The following CEP112 variants were observed in gnomAD, a reference collection of about 807,000 sequenced individuals.
CEP112 encodes centrosomal protein of 112 kDa.
A neutral mutation model predicts 153.0 loss-of-function variants in CEP112; 127 were observed. The observed-to-expected ratio is 0.83, with a 90% CI of 0.72 to 0.96. The LOEUF is 0.96. Among genes scored for constraint, CEP112 ranks in the 40% least tolerant of loss-of-function variants. The pLI, the probability that CEP112 is intolerant of heterozygous loss-of-function variation, is 0.00. For missense variants in CEP112, 1,089 were observed against 1,101.2 expected (o/e 0.99, Z 0.16); for synonymous variants, 358 against 374.4 (o/e 0.96, Z 0.51).
intron 4 of CEP112, among the ~76,000 whole-genome samples, chr17:66,172,916 T>C (rs761008530): frequency 6.6e-5 from 10 of 152,188 alleles, no homozygotes; most frequent in Non-Finnish European, 1.3e-4. Flanking sequence ...ACATAGTGTC[T>C]GTCTCTCCCC....
At chr17:65,990,681 A>G (rs2063563180) in intron 17 of CEP112, among the ~76,000 whole-genome samples, 2 of 152,248 alleles carry the variant, frequency 1.3e-5, no homozygotes, top group African/African-American at 4.8e-5. Flanking sequence ...CTGGGACCTT[A>G]AGTGAACTTG....
chr17:65,712,475 G>A (rs1043827231), intron 23 of CEP112, among the ~76,000 whole-genome samples: 1 of 151,446 alleles, frequency 6.6e-6, no homozygotes, highest in Admixed American at 6.6e-5. Flanking sequence ...GGCAGAAATA[G>A]TTTCAAGTAC....
intron 12 of CEP112, among the ~76,000 whole-genome samples, chr17:66,044,382 T>C (rs2066112380): frequency 6.6e-6 from 1 of 152,128 alleles, no homozygotes; most frequent in Non-Finnish European, 1.5e-5. Flanking sequence ...TTGTTTTTTG[T>C]CCATGCCTTT....
rs370555501 is a variant in CEP112, at chr17:65,969,031, G to A, written c.1737-7433C>T. Reference sequence around the variant, plus strand: ...AAGATCTGTGCTCAGTATTAGAACTGCAAAAATGATTAAGACATTATATCA... The same window carrying A: ...AAGATCTGTGCTCAGTATTAGAACTACAAAAATGATTAAGACATTATATCA... On this transcript the variant is annotated intron_variant, in intron 17 of 26. Transcript: ENST00000535342. Among the ~76,000 whole-genome samples, 15 of 151,298 alleles carry A rather than the reference G, an allele frequency of 9.9e-5. No homozygotes were observed. In the East Asian group the frequency reaches 1.5e-3, roughly 16 times the overall value.
chr17:65,860,391 CAAG>C (rs75530814), intron 20 of CEP112, among the ~76,000 whole-genome samples: 45,574 of 151,908 alleles, frequency 0.3, 8,451 homozygotes, highest in Middle Eastern at 0.43. Flanking sequence ...ATTAAAACTT[CAAG>C]AAGAGCTTTC....
At chr17:66,102,095 T>C (rs931278967) in intron 6 of CEP112, among the ~76,000 whole-genome samples, 2 of 152,164 alleles carry the variant, frequency 1.3e-5, no homozygotes, top group African/African-American at 4.8e-5. Context: ...AGACAAAAAA[T>C]CTGAGAGTAC....
chr17:66,175,304 A>G (rs2072425629), intron 3 of CEP112, 88 bp from the exon 4 acceptor site: 1 of 883,978 alleles, frequency 1.1e-6, no homozygotes, highest in African/African-American at 1.7e-5. Flanking sequence ...GTTTGAAAAC[A>G]GCCTTTCAAA....
chr17:66,060,103 A>G (rs1355451240), intron 11 of CEP112, among the ~76,000 whole-genome samples: 1 of 152,140 alleles, frequency 6.6e-6, no homozygotes, highest in African/African-American at 2.4e-5. Flanking sequence ...ATATATGGAC[A>G]TAAAAACAGG....
At chr17:66,057,806 T>G (rs1179751274) in intron 11 of CEP112, among the ~76,000 whole-genome samples, 1 of 146,774 alleles carries the variant, frequency 6.8e-6, no homozygotes, top group Non-Finnish European at 1.5e-5. Flanking sequence ...CAGCCTTCAG[T>G]GAGGGGGCAG....
At chr17:66,032,637 C>T (rs1183431189) in intron 12 of CEP112, among the ~76,000 whole-genome samples, 1 of 152,164 alleles carries the variant, frequency 6.6e-6, no homozygotes, top group Admixed American at 6.5e-5. Context: ...AAGAGCCTCT[C>T]TGGAAGAAGA....
intron 17 of CEP112, among the ~76,000 whole-genome samples, chr17:65,963,324 T>A: frequency 6.6e-6 from 1 of 152,124 alleles, no homozygotes; most frequent in East Asian, 1.9e-4. Flanking sequence ...AGAAATATCA[T>A]AAAGGGGAGA....
At chr17:66,093,355 A>T (rs1292444064) in intron 8 of CEP112, among the ~76,000 whole-genome samples, 1 of 152,058 alleles carries the variant, frequency 6.6e-6, no homozygotes, top group Non-Finnish European at 1.5e-5. Flanking sequence ...TAAATAAATA[A>T]ATTGTATCCA....
chr17:65,637,731 TA>T (rs2044854428), intron 25 of CEP112, among the ~76,000 whole-genome samples: 1 of 152,244 alleles, frequency 6.6e-6, no homozygotes, highest in South Asian at 2.1e-4. Context: ...TTTGTTTTCA[TA>T]TCTCTTCCCT....
chr17:65,888,279 A>C (rs1310373030), intron 20 of CEP112, among the ~76,000 whole-genome samples: 1 of 152,216 alleles, frequency 6.6e-6, no homozygotes, highest in Non-Finnish European at 1.5e-5. Context: ...TCCTTCAGGC[A>C]ATCAGTCTTC....
At chr17:65,729,635 A>G (rs2050383361) in intron 23 of CEP112, among the ~76,000 whole-genome samples, 2 of 152,238 alleles carry the variant, frequency 1.3e-5, no homozygotes, top group African/African-American at 4.8e-5. Context: ...TAAAAAACTA[A>G]AATTATCCAT....
At position 65,794,078 on chromosome 17, in the gene CEP112, G is replaced by C. The variant is rs115553972; in HGVS notation, c.2395-43354C>G. ...CTGCTATATTCTAGGTAGTCTTCCA[G>C]GCACTGGGGATACAGCAGTGAACAA... On this transcript the variant is annotated intron_variant, in intron 21 of 26. Transcript: ENST00000535342. Among the ~76,000 whole-genome samples the C allele has an allele frequency of 3.1e-3, 479 of 152,248 alleles. 3 individuals are homozygous for C. The highest frequency in any genetic ancestry group is 0.011 in the African/African-American group (455 of 41,536).
chr17:65,731,566 A>G (rs2050509416), intron 23 of CEP112, among the ~76,000 whole-genome samples: 1 of 152,176 alleles, frequency 6.6e-6, no homozygotes, highest in African/African-American at 2.4e-5. Context: ...ATAAAAATAA[A>G]GTTCACTGCA....
chr17:65,936,822 G>A (rs1239842049), intron 18 of CEP112, among the ~76,000 whole-genome samples: 2 of 54,088 alleles, frequency 3.7e-5, no homozygotes, highest in Non-Finnish European at 7.2e-5. Flanking sequence ...CTCTCCCCAC[G>A]GTCTCCCTCT....
At chr17:65,675,037 G>A (rs1459072524) in intron 24 of CEP112, among the ~76,000 whole-genome samples, 2 of 152,108 alleles carry the variant, frequency 1.3e-5, no homozygotes, top group Non-Finnish European at 2.9e-5. Flanking sequence ...AATATAATAA[G>A]CAAAATTAAG....
Sources: allele counts gnomAD v4.1 joint callset (sites outside exome capture counted in the v4.1 genomes callset), GRCh38; gene constraint gnomAD v4.1.1; transcripts MANE v1.5; gene names NCBI Gene and HGNC (gene_info 2026-07-23, HGNC 2026-07-21).